EXOSC1: variants seen among roughly 807,000 people sequenced by gnomAD.
The protein encoded by EXOSC1 is exosome complex component CSL4.
Under a neutral mutation model 31.4 loss-of-function variants are expected in EXOSC1, and 27 were observed. That is an observed-to-expected ratio of 0.86 (90% CI 0.63 to 1.18). The LOEUF is 1.18. Among genes scored for constraint, EXOSC1 ranks in the 50% most tolerant of loss-of-function variants. The pLI is 0.00. For missense variants in EXOSC1, 228 were observed against 250.3 expected (o/e 0.91, Z 0.60); for synonymous variants, 84 against 89.5 (o/e 0.94, Z 0.35).
chr10:97,440,525 T>C (rs1845682506), intron 4 of EXOSC1, among the ~76,000 whole-genome samples: 1 of 151,402 alleles, frequency 6.6e-6, no homozygotes, highest in Non-Finnish European at 1.5e-5. Context: ...ATTTTTTTTT[T>C]TTTTTTTTTT....
chr10:97,436,604 C>T, intron 7 of EXOSC1, 53 bp from the exon 8 acceptor site: 2 of 1,514,992 alleles, frequency 1.3e-6, no homozygotes, highest in East Asian at 2.4e-5. Context: ...TTGCCTGCGA[C>T]TCCTCTTTTA....
In EXOSC1 at chr10:97,441,491, T is replaced by A. The variant is rs536644509; in HGVS notation, c.223-232A>T. Among the ~76,000 whole-genome samples the A allele has an allele frequency of 8.0e-5, 12 of 150,202 alleles. No individual in the cohort carries two copies. The South Asian group carries it at 2.6e-3, about 32-fold the overall frequency. Reference sequence around the variant, plus strand: ...GGGAAACAAAGGTGGTATGGGTTTTTTTTTTTTTTTTTTTTTGAGACGGAG... The same window carrying A: ...GGGAAACAAAGGTGGTATGGGTTTTATTTTTTTTTTTTTTTTGAGACGGAG... On this transcript the variant is annotated intron_variant, in intron 3 of 7. Transcript: ENST00000370902.
At chr10:97,445,908 T>C in intron 1 of EXOSC1, 47 bp downstream of exon 1, 1 of 1,613,836 alleles carries the variant, frequency 6.2e-7, no homozygotes, top group South Asian at 1.1e-5. Flanking sequence ...TTTAGCCTTC[T>C]TGCTTCAGCC....
intron 2 of EXOSC1, 24 bp downstream of exon 2, chr10:97,445,708 G>A (rs1260559095): frequency 7.5e-6 from 12 of 1,608,940 alleles, no homozygotes; most frequent in Middle Eastern, 1.7e-4. Flanking sequence ...AAACAGAGGG[G>A]AGATGGCATG....
chr10:97,436,575 G>A (rs1370634691), intron 7 of EXOSC1, 24 bp from the exon 8 acceptor site: 2 of 1,576,010 alleles, frequency 1.3e-6, no homozygotes, highest in East Asian at 2.3e-5. Context: ...GCTGGTGGTG[G>A]AGCCCAGACC....
At chr10:97,444,962 T>G (rs2133162855) in intron 2 of EXOSC1, 1 of 152,350 alleles carries the variant, frequency 6.6e-6, no homozygotes, top group East Asian at 1.9e-4. Flanking sequence ...TGGTAGGGCC[T>G]GCTTTCACGG....
At chr10:97,441,770 G>A (rs377100866) in intron 3 of EXOSC1, among the ~76,000 whole-genome samples, 1 of 145,558 alleles carries the variant, frequency 6.9e-6, no homozygotes, top group African/African-American at 2.5e-5. Flanking sequence ...GATTACAGGT[G>A]TAAGCCACTG....
chr10:97,437,606 C>T (rs184496031), intron 6 of EXOSC1, 94 bp downstream of exon 6: 20 of 1,244,374 alleles, frequency 1.6e-5, no homozygotes, highest in Middle Eastern at 1.9e-4. Context: ...CCCTGGCCTC[C>T]GAAAGTGCTG....
At position 97,445,791 on chromosome 10, in the gene EXOSC1, G is replaced by A; in HGVS notation, c.88C>T (p.His30Tyr). The A allele has an allele frequency of 1.2e-6, 2 of 1,613,934 alleles. No homozygotes were observed. The highest frequency in any genetic ancestry group is 1.7e-5 in the Admixed American group (1 of 60,022). The change falls in exon 2 of 8, where the codon CAC (histidine) becomes TAC (tyrosine). Residue 30 changes from histidine (H) to tyrosine (Y), a missense_variant. Coordinates refer to ENST00000370902, the MANE Select transcript of EXOSC1 (RefSeq NM_016046.5). Reference sequence around the variant, plus strand: ...GCAAGCGACGAAAAGATGTAGCCGTGGCGGGTGTAGGTGCCGCTGCCCGGG... The same window carrying A: ...GCAAGCGACGAAAAGATGTAGCCGTAGCGGGTGTAGGTGCCGCTGCCCGGG... ...GSPGSGTYTR[H>Y]GYIFSSLAGC...
At position 97,445,806 on chromosome 10, in the gene EXOSC1, C is replaced by G. The variant is rs1220253247; in HGVS notation, c.73G>C (p.Gly25Arg). The change falls in exon 2 of 8, where the codon GGC (glycine) becomes CGC (arginine). Residue 25 changes from glycine (G) to arginine (R), a missense_variant. Gly to Arg is a moderately radical substitution (Grantham distance 125). Coordinates refer to ENST00000370902, the MANE Select transcript of EXOSC1 (RefSeq NM_016046.5). ...ATGTAGCCGTGGCGGGTGTAGGTGC[C>G]GCTGCCCGGGCTGCCCTCCTCCAAG... ...CNLEEGSPGSGTYTRHGYIFS... is the reference protein window; with the variant it reads ...CNLEEGSPGSRTYTRHGYIFS... The G allele has an allele frequency of 6.2e-7, 1 of 1,613,762 alleles. No individual in the cohort carries two copies. The highest frequency in any genetic ancestry group is 8.5e-7 in the Non-Finnish European group (1 of 1,179,910).
intron 4 of EXOSC1, chr10:97,440,950 C>A (rs1845695221): frequency 2.6e-6 from 1 of 385,850 alleles, no homozygotes; most frequent in Middle Eastern, 7.4e-4. Flanking sequence ...CCGCGCCCAG[C>A]CTTTGCTTTA....
chr10:97,438,516 GC>G, intron 5 of EXOSC1, 153 bp downstream of exon 5: 1 of 678,700 alleles, frequency 1.5e-6, no homozygotes, highest in East Asian at 2.6e-5. Context: ...TGTTGCCAGG[GC>G]TGGTCTTGAA....
At chr10:97,440,493 C>A (rs1390062183) in intron 4 of EXOSC1, among the ~76,000 whole-genome samples, 1 of 151,606 alleles carries the variant, frequency 6.6e-6, no homozygotes, top group Non-Finnish European at 1.5e-5. Context: ...GGAGTACAGG[C>A]ACGCACCACC....
intron 5 of EXOSC1, 49 bp from the exon 6 acceptor site, chr10:97,437,799 A>G: frequency 2.0e-6 from 3 of 1,507,956 alleles, no homozygotes; most frequent in South Asian, 2.3e-5. Flanking sequence ...GACTGGGTCT[A>G]TATGAAACTG....
chr10:97,445,822 C>T lies in EXOSC1; in HGVS notation c.57G>A (p.Glu19=), dbSNP rs138544715. Residue 19 remains glutamate, a synonymous_variant, in exon 2 of 8, where the codon GAG becomes GAA. Transcript: ENST00000370902. ...IPGERLCNLE[E]GSPGSGTYTR... ...TGTAGGTGCCGCTGCCCGGGCTGCC[C>T]TCCTCCAAGTTACACAGACGTTCGC... 1.2e-6 allele frequency: 2 copies of T among 1,613,888 alleles called. No individual in the cohort carries two copies. Among genetic ancestry groups the T allele is most frequent in the Non-Finnish European group, 1.7e-6 (2 of 1,179,920 alleles).
chr10:97,438,502 G>A (rs560112109), intron 5 of EXOSC1, among the ~76,000 whole-genome samples, 168 bp downstream of exon 5: 34 of 151,684 alleles, frequency 2.2e-4, no homozygotes, highest in African/African-American at 4.6e-4. Flanking sequence ...ACAGGGTCTC[G>A]CTATGTTGCC....
At chr10:97,437,069 T>C in intron 7 of EXOSC1, 122 bp downstream of exon 7, 1 of 869,078 alleles carries the variant, frequency 1.2e-6, no homozygotes, top group Non-Finnish European at 1.9e-6. Context: ...ATCATTCTAA[T>C]CTCAGAGGGA....
At chr10:97,437,662 T>G (rs780618031) in intron 6 of EXOSC1, 38 bp downstream of exon 6, 2 of 1,603,852 alleles carry the variant, frequency 1.2e-6, no homozygotes, top group Non-Finnish European at 1.7e-6. Flanking sequence ...TCTCTTCTTT[T>G]GACAAAGGAC....
In EXOSC1 at chr10:97,437,234, G is replaced by A. The variant is rs377237874; in HGVS notation, c.438C>T (p.Thr146=). 18 of 1,613,982 alleles carry A rather than the reference G, an allele frequency of 1.1e-5. No individual in the cohort carries two copies. The highest frequency in any genetic ancestry group is 8.9e-5 in the East Asian group (4 of 44,900). The change falls in exon 7 of 8, where the codon ACC becomes ACT. Residue 146 remains threonine, a synonymous_variant. Transcript: ENST00000370902. ...CCACCACTCCCAGCTCGTTCTCGGCGGTGGTTAGCAGGTAGTTGGACTGTG... is the reference window on the plus strand; with the variant it reads ...CCACCACTCCCAGCTCGTTCTCGGCAGTGGTTAGCAGGTAGTTGGACTGTG... ...GDAQSNYLLT[T]AENELGVVVA...
Sources: gnomAD v4.1 joint callset for allele counts (sites outside exome capture counted in the v4.1 genomes callset) on GRCh38, gnomAD v4.1.1 for gene constraint, MANE v1.5 for transcripts, NCBI Gene and HGNC (gene_info 2026-07-23, HGNC 2026-07-21) for gene names.